The following CELF1 variants were observed in gnomAD, a reference collection of about 807,000 sequenced individuals.
The protein encoded by CELF1 is 50 kDa nuclear polyadenylated RNA-binding protein.
In CELF1, 10 loss-of-function variants were observed where a neutral mutation model predicts 61.8. The ratio of observed to expected loss-of-function variants is 0.16; its 90% CI spans 0.10 to 0.27. The LOEUF (loss-of-function observed/expected upper bound fraction) is 0.27. Among genes scored for constraint, CELF1 ranks in the 10% least tolerant of loss-of-function variants. The probability of loss-of-function intolerance (pLI) is 1.00; values close to 1 mark genes in which losing one functional copy is unlikely to be tolerated. For missense variants in CELF1, 380 were observed against 639.1 expected (o/e 0.59, Z 4.37); for synonymous variants, 236 against 225.1 (o/e 1.05, Z -0.43).
chr11:47,513,214 T>C (rs2095338284), intron 1 of CELF1, among the ~76,000 whole-genome samples: 1 of 152,264 alleles, frequency 6.6e-6, no homozygotes, highest in African/African-American at 2.4e-5. Context: ...TTTAATCTCA[T>C]TTCAAAATGT....
chr11:47,542,198 C>G (rs1250445967), intron 1 of CELF1, among the ~76,000 whole-genome samples: 4 of 152,052 alleles, frequency 2.6e-5, no homozygotes, highest in Non-Finnish European at 5.9e-5. Flanking sequence ...GGTGAAACCC[C>G]ATCTCTACTA....
At chr11:47,561,302 G>T (rs541030505) in intron 2 of CELF1, among the ~76,000 whole-genome samples, 50 of 151,462 alleles carry the variant, frequency 3.3e-4, no homozygotes, top group African/African-American at 1.2e-3. Flanking sequence ...AATAAGCCGG[G>T]TGTGGTAGCG....
chr11:47,526,057 T>G (rs2096225314), intron 1 of CELF1, among the ~76,000 whole-genome samples: 2 of 149,870 alleles, frequency 1.3e-5, no homozygotes, highest in African/African-American at 4.9e-5. Context: ...GCACCAGGAG[T>G]GGTAGCTCAC....
chr11:47,531,354 G>T (rs561793916), intron 1 of CELF1, among the ~76,000 whole-genome samples: 1 of 152,234 alleles, frequency 6.6e-6, no homozygotes, highest in South Asian at 2.1e-4. Context: ...CAGATCACAC[G>T]GTTACAAGAT....
intron 1 of CELF1, among the ~76,000 whole-genome samples, chr11:47,552,498 G>A (rs889661398): frequency 1.3e-5 from 2 of 152,218 alleles, no homozygotes; most frequent in Non-Finnish European, 2.9e-5. Context: ...AGGAACGAGG[G>A]GCTCTCGAGG....
intron 2 of CELF1, among the ~76,000 whole-genome samples, chr11:47,559,183 T>C (rs1034542080): frequency 6.7e-6 from 1 of 150,338 alleles, no homozygotes; most frequent in African/African-American, 2.4e-5. Context: ...ACAACCTCCG[T>C]CTCCCGGATT....
intron 1 of CELF1, among the ~76,000 whole-genome samples, chr11:47,508,082 C>A (rs531619890): frequency 6.6e-6 from 1 of 152,282 alleles, no homozygotes; most frequent in Non-Finnish European, 1.5e-5. Flanking sequence ...AGGAAGATAA[C>A]CTGCCCGTGG....
chr11:47,513,177 C>G (rs1425757225), intron 1 of CELF1, among the ~76,000 whole-genome samples: 1 of 152,178 alleles, frequency 6.6e-6, no homozygotes, highest in Non-Finnish European at 1.5e-5. Flanking sequence ...ACATACAATT[C>G]ACCTCATTTA....
intron 1 of CELF1, among the ~76,000 whole-genome samples, chr11:47,502,970 T>C (rs2094110206): frequency 6.6e-6 from 1 of 152,232 alleles, no homozygotes. Flanking sequence ...TCATCACCTG[T>C]TCCTTTCACT....
chr11:47,472,209 C>T lies in CELF1; in HGVS notation c.*21G>A. The stretch of plus-strand genomic sequence containing the variant: ...CACTTACCAGAAGACCCTCTCACTC[C>T]AGTCTCAGAGGGGAGCACGCTCAGT... On this transcript the variant is annotated 3_prime_UTR_variant, in exon 15 of 15. Coordinates refer to ENST00000687097, the MANE Select transcript of CELF1 (RefSeq NM_001376376.1). 1 of 1,612,400 alleles carries T rather than the reference C, an allele frequency of 6.2e-7. No homozygotes were observed. The highest frequency in any genetic ancestry group is 1.3e-5 in the African/African-American group (1 of 75,018).
chr11:47,481,099 CTTCTTTTTTTTTTTTT>C (rs2082907011), intron 9 of CELF1, among the ~76,000 whole-genome samples: 1 of 62,294 alleles, frequency 1.6e-5, no homozygotes, highest in Non-Finnish European at 3.2e-5. Context: ...TTTTTTTCTT[CTTCTTTTTTTTTTTTT>C]TTTTTTTTTT....
intron 1 of CELF1, among the ~76,000 whole-genome samples, chr11:47,528,830 G>T (rs562228470): frequency 1.3e-5 from 2 of 151,936 alleles, no homozygotes; most frequent in Non-Finnish European, 2.9e-5. Flanking sequence ...GTTCAAGGCT[G>T]CAGTGAGCTA....
At chr11:47,548,585 G>A (rs2097047499) in intron 1 of CELF1, among the ~76,000 whole-genome samples, 1 of 152,098 alleles carries the variant, frequency 6.6e-6, no homozygotes, top group African/African-American at 2.4e-5. Context: ...GAAAATAGAG[G>A]CTGGGTGCGG....
upstream of CELF1, among the ~76,000 whole-genome samples, chr11:47,557,002 C>T (rs1446653496): frequency 3.3e-5 from 5 of 152,072 alleles, no homozygotes; most frequent in South Asian, 2.1e-4. Flanking sequence ...CAGATTCAAG[C>T]GATTCTGCTG....
chr11:47,538,075 C>T (rs1271146427), intron 1 of CELF1, among the ~76,000 whole-genome samples: 1 of 152,016 alleles, frequency 6.6e-6, no homozygotes, highest in African/African-American at 2.4e-5. Flanking sequence ...ACCACCATGC[C>T]TGGCTAAATA....
At chr11:47,498,198 G>A (rs2093438335) in intron 3 of CELF1, among the ~76,000 whole-genome samples, 1 of 152,172 alleles carries the variant, frequency 6.6e-6, no homozygotes, top group Non-Finnish European at 1.5e-5. Flanking sequence ...CTTGAGCCCA[G>A]GAGTTCAAGA....
rs1041131188 is a variant in CELF1 at position 47,558,971 on chromosome 11, TTA to T, written c.-11+5378_-11+5379del. 1.6e-4 allele frequency among the ~76,000 whole-genome samples: 23 copies of T among 139,806 alleles called. No homozygotes were observed. The East Asian group carries it at 2.2e-3, about 13-fold the overall frequency. The allele number at this position is 139,806 out of a possible 152,430, so 91.7% of individuals were successfully genotyped here. On this transcript the variant is annotated intron_variant, in intron 2 of 3. Coordinates refer to the CELF1 transcript ENST00000525841. ...TATATTACATATAATATGTAATATATTATATATGTTATATATAGTAATATATG... is the reference window on the plus strand; with the variant it reads ...TATATTACATATAATATGTAATATATTATATGTTATATATAGTAATATATG...
chr11:47,522,139 C>T (rs1052302616), intron 1 of CELF1, among the ~76,000 whole-genome samples: 2 of 151,962 alleles, frequency 1.3e-5, no homozygotes, highest in Non-Finnish European at 2.9e-5. Context: ...TCTTGAACTC[C>T]CGACCTCAGG....
chr11:47,521,146 G>A (rs1170707794), intron 1 of CELF1, among the ~76,000 whole-genome samples: 4 of 151,936 alleles, frequency 2.6e-5, no homozygotes, highest in African/African-American at 7.3e-5. Flanking sequence ...CAGCTACTCC[G>A]GAGGCTGAGG....
Sources: gnomAD v4.1 joint callset for allele counts (sites outside exome capture counted in the v4.1 genomes callset) on GRCh38, gnomAD v4.1.1 for gene constraint, MANE v1.5 for transcripts, NCBI Gene and HGNC (gene_info 2026-07-23, HGNC 2026-07-21) for gene names.